Variants in TIPARP observed in about 807,000 individuals in gnomAD.
TIPARP encodes protein mono-ADP-ribosyltransferase TIPARP.
TIPARP carries 12 observed loss-of-function variants against 56.5 expected under a neutral mutation model. That is an observed-to-expected ratio of 0.21 (90% confidence interval 0.14 to 0.34). The LOEUF is 0.34. Among genes scored for constraint, TIPARP ranks in the 10% least tolerant of loss-of-function variants. The pLI is 1.00. For missense variants in TIPARP, 604 were observed against 781.6 expected, an observed-to-expected ratio of 0.77 and a Z score of 2.71; for synonymous variants, 296 against 265.7, an observed-to-expected ratio of 1.11 and a Z score of -1.11.
intron 2 of TIPARP, among the ~76,000 whole-genome samples, chr3:156,683,423 A>G (rs1193037086): frequency 6.6e-6 from 1 of 152,184 alleles, no homozygotes; most frequent in Non-Finnish European, 1.5e-5. Context: ...GAAATCCGAA[A>G]TGCTCCAGTG....
rs2108482583 is a variant in TIPARP, at chr3:156,674,664, G to A, written c.-174G>A. On this transcript the variant is annotated 5_prime_UTR_variant, in exon 1 of 6. The change abolishes an upstream ATG in the 5' untranslated region. Coordinates refer to ENST00000295924, the MANE Select transcript of TIPARP (RefSeq NM_015508.5). ...CTTTCTGCGTTCGCGGCGGCGGAATGGCCCGTGCGCGGCTCGCCGCGTCGC... is the reference window on the plus strand; with the variant it reads ...CTTTCTGCGTTCGCGGCGGCGGAATAGCCCGTGCGCGGCTCGCCGCGTCGC... 1 of 152,804 alleles carries A rather than the reference G, an allele frequency of 6.5e-6. No individual in the cohort carries two copies. Among genetic ancestry groups the A allele is most frequent in the East Asian group, 1.9e-4 (1 of 5,180 alleles). The allele number at this position is 152,804 out of a possible 1,614,324, so 9.5% of individuals were successfully genotyped here.
chr3:156,676,935 C>A (rs1413465071), intron 1 of TIPARP, among the ~76,000 whole-genome samples: 1 of 152,098 alleles, frequency 6.6e-6, no homozygotes, highest in Non-Finnish European at 1.5e-5. Context: ...TCTGACACAT[C>A]GTGCAGTGGT....
intron 1 of TIPARP, 70 bp from the exon 2 acceptor site, chr3:156,677,587 A>T (rs936095996): frequency 4.5e-6 from 5 of 1,099,046 alleles, no homozygotes; most frequent in Non-Finnish European, 6.4e-6. Flanking sequence ...AAAACAAAAC[A>T]TTTTAATGAA....
chr3:156,679,157 T>C (rs1722227229), intron 2 of TIPARP, among the ~76,000 whole-genome samples: 1 of 152,218 alleles, frequency 6.6e-6, no homozygotes, highest in African/African-American at 2.4e-5. Context: ...CTTTTCACCA[T>C]TAAGTTTATA....
rs1429397019 is a variant in TIPARP, at chr3:156,674,757, A to C, written c.-81A>C. 6 of 151,958 alleles carry C rather than the reference A, an allele frequency of 3.9e-5. No individual in the cohort carries two copies. The allele number at this position is 151,958 out of a possible 1,614,324, so 9.4% of individuals were successfully genotyped here. On this transcript the variant is annotated 5_prime_UTR_variant, in exon 1 of 6. Transcript: ENST00000295924. Reference sequence around the variant, plus strand: ...ATCTCCGGCGCGGGCACTGCTTTCCACTCGGCTCCTGTCGTCCGTTCTCTC... The same window carrying C: ...ATCTCCGGCGCGGGCACTGCTTTCCCCTCGGCTCCTGTCGTCCGTTCTCTC...
chr3:156,676,232 CCTT>C (rs1222355274), intron 1 of TIPARP, among the ~76,000 whole-genome samples: 12 of 152,348 alleles, frequency 7.9e-5, no homozygotes, highest in South Asian at 4.1e-4. Context: ...TCAGATCCCT[CCTT>C]CTTCGTGAAG....
intron 4 of TIPARP, 56 bp from the exon 5 acceptor site, chr3:156,703,368 T>G: frequency 1.3e-6 from 2 of 1,544,996 alleles, no homozygotes; most frequent in Non-Finnish European, 1.8e-6. Context: ...CACTATAATG[T>G]GAGGTGTACT....
At chr3:156,694,702 T>G (rs1722667979) in intron 3 of TIPARP, among the ~76,000 whole-genome samples, 1 of 152,228 alleles carries the variant, frequency 6.6e-6, no homozygotes, top group Non-Finnish European at 1.5e-5. Context: ...GCATCCTTAG[T>G]CTGAGACAGT....
chr3:156,700,012 A>G (rs1008615176), intron 4 of TIPARP, among the ~76,000 whole-genome samples: 3 of 152,200 alleles, frequency 2.0e-5, no homozygotes, highest in Admixed American at 6.5e-5. Context: ...TCCAGAGGCT[A>G]TGATCTTAGC....
chr3:156,688,372 C>A (rs1206256881), intron 2 of TIPARP, among the ~76,000 whole-genome samples: 5 of 83,834 alleles, frequency 6.0e-5, no homozygotes, highest in South Asian at 4.6e-4. Context: ...GACCCTATCT[C>A]AAAAAAAAAA....
intron 4 of TIPARP, among the ~76,000 whole-genome samples, chr3:156,697,251 G>T (rs1378649424): frequency 6.6e-6 from 1 of 152,118 alleles, no homozygotes; most frequent in South Asian, 2.1e-4. Context: ...CTCCTGGTGA[G>T]ATAGTAGAAC....
intron 4 of TIPARP, among the ~76,000 whole-genome samples, chr3:156,698,533 G>A (rs1436467256): frequency 6.6e-6 from 1 of 152,156 alleles, no homozygotes; most frequent in Non-Finnish European, 1.5e-5. Flanking sequence ...GAAAAAGTGT[G>A]GATGACAGCA....
intron 2 of TIPARP, among the ~76,000 whole-genome samples, chr3:156,685,009 T>G (rs1438206262): frequency 6.6e-6 from 1 of 152,224 alleles, no homozygotes; most frequent in Non-Finnish European, 1.5e-5. Flanking sequence ...AATTAAGGAT[T>G]TTATGTACAA....
At chr3:156,691,339 C>A (rs955566427) in intron 2 of TIPARP, among the ~76,000 whole-genome samples, 3 of 152,190 alleles carry the variant, frequency 2.0e-5, no homozygotes, top group Non-Finnish European at 1.5e-5. Context: ...CACCTCCTCT[C>A]CCATATTGCT....
At chr3:156,685,745 G>A (rs1419520318) in intron 2 of TIPARP, among the ~76,000 whole-genome samples, 1 of 152,232 alleles carries the variant, frequency 6.6e-6, no homozygotes, top group Admixed American at 6.5e-5. Flanking sequence ...TAGCCAAAGA[G>A]TTTGGATGAT....
intron 4 of TIPARP, among the ~76,000 whole-genome samples, chr3:156,701,959 C>T (rs1356381615): frequency 1.3e-5 from 2 of 148,270 alleles, no homozygotes; most frequent in African/African-American, 5.0e-5. Flanking sequence ...GGCAGTCATG[C>T]TTCCATTGTT....
intron 2 of TIPARP, among the ~76,000 whole-genome samples, chr3:156,680,975 G>A (rs1456206554): frequency 1.3e-5 from 2 of 152,196 alleles, no homozygotes; most frequent in South Asian, 2.1e-4. Context: ...TAAATTACTA[G>A]TAAAGTGAAG....
intron 3 of TIPARP, 150 bp from the exon 4 acceptor site, chr3:156,695,714 AT>A: frequency 1.8e-6 from 2 of 1,109,498 alleles, no homozygotes; most frequent in Non-Finnish European, 2.4e-6. Flanking sequence ...GGGAAAAAAA[AT>A]CTTAGCATAT....
chr3:156,699,398 A>G (rs944192477), intron 4 of TIPARP, among the ~76,000 whole-genome samples: 21 of 152,306 alleles, frequency 1.4e-4, no homozygotes, highest in South Asian at 2.1e-4. Flanking sequence ...ACCTTCAGCA[A>G]TCACCACCCT....
Sources: gnomAD v4.1 joint callset for allele counts (sites outside exome capture counted in the v4.1 genomes callset) on GRCh38, gnomAD v4.1.1 for gene constraint, MANE v1.5 for transcripts, NCBI Gene and HGNC (gene_info 2026-07-23, HGNC 2026-07-21) for gene names.